The following PARD3 variants were observed in gnomAD, a reference collection of about 807,000 sequenced individuals.
PARD3 encodes partitioning defective 3 homolog.
A neutral mutation model predicts 155.4 loss-of-function variants in PARD3; 75 were observed. The observed-to-expected ratio is 0.48, with a 90% CI of 0.40 to 0.58. PARD3 has a LOEUF of 0.58. Among genes scored for constraint, PARD3 ranks in the 20% least tolerant of loss-of-function variants. PARD3 has a pLI of 0.00. For synonymous variants in PARD3, 576 were observed against 610.5 expected, an observed-to-expected ratio of 0.94 and a Z score of 0.83; for missense variants, 1,642 against 1,721.7, an observed-to-expected ratio of 0.95 and a Z score of 0.82.
chr10:34,671,386 G>C (rs1351819679), intron 2 of PARD3, among the ~76,000 whole-genome samples: 1 of 152,092 alleles, frequency 6.6e-6, no homozygotes, highest in African/African-American at 2.4e-5. Context: ...CCATTAAATA[G>C]GATGCATTTA....
chr10:34,196,705 C>T (rs2095826273), intron 22 of PARD3, among the ~76,000 whole-genome samples: 1 of 151,500 alleles, frequency 6.6e-6, no homozygotes, highest in South Asian at 2.1e-4. Flanking sequence ...TCCCGAGTAG[C>T]TGGGACTACA....
At chr10:34,699,328 T>TA (rs5784426) in intron 1 of PARD3, among the ~76,000 whole-genome samples, 89,356 of 151,738 alleles carry the variant, frequency 0.59, 27,671 homozygotes, top group Non-Finnish European at 0.67. Context: ...GCATTAAAAA[T>TA]AAAAAAATAA....
intron 14 of PARD3, among the ~76,000 whole-genome samples, chr10:34,355,924 C>CAAAAAAAAAAAAAAA (rs869284165): frequency 7.0e-4 from 30 of 42,678 alleles, no homozygotes; most frequent in South Asian, 1.5e-3. Flanking sequence ...CACTCCGTCT[C>CAAAAAAAAAAAAAAA]AAAAAAAAAA....
At chr10:34,208,829 C>T (rs896129113) in intron 22 of PARD3, among the ~76,000 whole-genome samples, 2 of 152,100 alleles carry the variant, frequency 1.3e-5, no homozygotes, top group African/African-American at 2.4e-5. Context: ...ATTTAACAAT[C>T]GAGGGTTTTG....
intron 1 of PARD3, 33 bp downstream of exon 1, chr10:34,814,842 CG>C: frequency 4.1e-6 from 5 of 1,208,888 alleles, no homozygotes; most frequent in Non-Finnish European, 4.6e-6. Flanking sequence ...TCCCCGCCGC[CG>C]CCCCCTCCCC....
At chr10:34,353,208 C>A (rs545459075) in intron 14 of PARD3, among the ~76,000 whole-genome samples, 2 of 152,170 alleles carry the variant, frequency 1.3e-5, no homozygotes, top group Non-Finnish European at 2.9e-5. Flanking sequence ...CCACCCCGTC[C>A]GGGAGGTGGA....
At chr10:34,741,472 A>G (rs1694994470) in intron 1 of PARD3, among the ~76,000 whole-genome samples, 2 of 152,138 alleles carry the variant, frequency 1.3e-5, no homozygotes, top group African/African-American at 4.8e-5. Flanking sequence ...GGCATGAGCC[A>G]CTGTGCCCAG....
chr10:34,401,785 C>T (rs778549928), intron 6 of PARD3, 41 bp downstream of exon 6: 1 of 1,209,946 alleles, frequency 8.3e-7, no homozygotes, highest in Non-Finnish European at 1.2e-6. Context: ...AATGATGCTA[C>T]ATGTATACTG....
intron 1 of PARD3, among the ~76,000 whole-genome samples, chr10:34,753,035 C>G (rs1836263112): frequency 6.6e-6 from 1 of 152,238 alleles, no homozygotes; most frequent in Non-Finnish European, 1.5e-5. Context: ...AGGCAGCAGG[C>G]TAAAGCCTCC....
intron 2 of PARD3, among the ~76,000 whole-genome samples, chr10:34,670,242 G>A (rs997107558): frequency 6.6e-6 from 1 of 152,222 alleles, no homozygotes; most frequent in African/African-American, 2.4e-5. Flanking sequence ...CAGAACTTGA[G>A]AAGCCTCAAA....
At chr10:34,757,899 C>A (rs1348468353) in intron 1 of PARD3, among the ~76,000 whole-genome samples, 1 of 152,144 alleles carries the variant, frequency 6.6e-6, no homozygotes, top group Non-Finnish European at 1.5e-5. Context: ...GCTGATGATG[C>A]TTCAGTATAC....
intron 3 of PARD3, among the ~76,000 whole-genome samples, chr10:34,514,041 T>G (rs1363206110): frequency 6.6e-6 from 1 of 152,184 alleles, no homozygotes; most frequent in Non-Finnish European, 1.5e-5. Context: ...TAGGGAAACA[T>G]AAAAAGACCT....
chr10:34,694,692 T>G (rs1030285242), intron 2 of PARD3, among the ~76,000 whole-genome samples: 1 of 151,994 alleles, frequency 6.6e-6, no homozygotes, highest in Non-Finnish European at 1.5e-5. Flanking sequence ...GGATCTGCAT[T>G]TTTTGATACA....
intron 22 of PARD3, among the ~76,000 whole-genome samples, chr10:34,239,702 C>T (rs1486746258): frequency 6.6e-6 from 1 of 151,516 alleles, no homozygotes; most frequent in Non-Finnish European, 1.5e-5. Flanking sequence ...ACTCAGGAGA[C>T]TGCGACAAGA....
intron 2 of PARD3, among the ~76,000 whole-genome samples, chr10:34,549,533 T>C (rs1455820722): frequency 6.6e-6 from 1 of 152,204 alleles, no homozygotes; most frequent in Non-Finnish European, 1.5e-5. Context: ...ATTGAGATTC[T>C]GCACTTTGTC....
chr10:34,713,941 A>T (rs2094482463), intron 1 of PARD3, among the ~76,000 whole-genome samples: 1 of 152,280 alleles, frequency 6.6e-6, no homozygotes, highest in East Asian at 1.9e-4. Flanking sequence ...ATATTTCTCT[A>T]CTATTTATAA....
At chr10:34,456,490 G>T (rs756954793) in intron 4 of PARD3, among the ~76,000 whole-genome samples, 16 of 151,924 alleles carry the variant, frequency 1.1e-4, no homozygotes, top group Admixed American at 2.0e-4. Flanking sequence ...TAGAGACAGG[G>T]TTTCACCATG....
At chr10:34,317,682 C>T (rs984609767) in intron 19 of PARD3, among the ~76,000 whole-genome samples, 3 of 152,104 alleles carry the variant, frequency 2.0e-5, no homozygotes, top group South Asian at 2.1e-4. Context: ...CTAAGGGTCC[C>T]GTGTACTATA....
At chr10:34,269,012 A>G (rs1331336133) in intron 22 of PARD3, among the ~76,000 whole-genome samples, 4 of 152,206 alleles carry the variant, frequency 2.6e-5, no homozygotes, top group Admixed American at 6.5e-5. Flanking sequence ...ATATCCTGAC[A>G]TGATCATTAC....
Sources: gnomAD v4.1 joint callset for allele counts (sites outside exome capture counted in the v4.1 genomes callset) on GRCh38, gnomAD v4.1.1 for gene constraint, MANE v1.5 for transcripts, NCBI Gene and HGNC (gene_info 2026-07-23, HGNC 2026-07-21) for gene names.